ZNF521: variants seen among roughly 807,000 people sequenced by gnomAD.
ZNF521 encodes the protein LYST-interacting protein 3.
ZNF521 carries 14 observed loss-of-function variants against 105.5 expected under a neutral mutation model. That is an observed-to-expected ratio of 0.13 (90% CI 0.09 to 0.21). ZNF521 has a LOEUF of 0.21. Ranked by LOEUF, ZNF521 falls within the 10% of genes least tolerant of loss-of-function variation. The pLI, the probability that ZNF521 is intolerant of heterozygous loss-of-function variation, is 1.00. For synonymous variants in ZNF521, 635 were observed against 606.0 expected (o/e 1.05, Z -0.70); for missense variants, 1,233 against 1,629.7 (o/e 0.76, Z 4.19).
intron 3 of ZNF521, among the ~76,000 whole-genome samples, chr18:25,306,870 A>G (rs1912010523): frequency 6.9e-6 from 1 of 145,714 alleles, no homozygotes; most frequent in Non-Finnish European, 1.5e-5. Flanking sequence ...AAAAAAAAGT[A>G]TGTAAGTGGC....
intron 3 of ZNF521, among the ~76,000 whole-genome samples, chr18:25,291,931 C>G (rs1012110272): frequency 6.8e-6 from 1 of 146,548 alleles, no homozygotes; most frequent in African/African-American, 2.6e-5. Flanking sequence ...ATCATTGCAC[C>G]AAGAAAAAAA....
intron 5 of ZNF521, among the ~76,000 whole-genome samples, chr18:25,135,279 C>CGTGTGT (rs35980671): frequency 0.034 from 4,988 of 146,184 alleles, 156 homozygotes; most frequent in African/African-American, 0.086. Flanking sequence ...TATATGTATA[C>CGTGTGT]GTGTGTGTGT....
chr18:25,273,415 T>C (rs1909816027), intron 3 of ZNF521: 1 of 152,054 alleles, frequency 6.6e-6, no homozygotes, highest in South Asian at 2.1e-4. Flanking sequence ...CGATCATCAA[T>C]GTCAGTAGCA....
chr18:25,244,593 T>A (rs1907580845), intron 3 of ZNF521, among the ~76,000 whole-genome samples: 1 of 152,228 alleles, frequency 6.6e-6, no homozygotes, highest in African/African-American at 2.4e-5. Context: ...ATTTCCTTAA[T>A]GAAAACTCAG....
chr18:25,340,455 G>A (rs1315588912), intron 2 of ZNF521, among the ~76,000 whole-genome samples: 1 of 152,066 alleles, frequency 6.6e-6, no homozygotes, highest in Non-Finnish European at 1.5e-5. Context: ...GGGTGGTCTT[G>A]ATAAGAAATC....
At chr18:25,214,808 A>G (rs1340291693) in intron 4 of ZNF521, among the ~76,000 whole-genome samples, 1 of 152,190 alleles carries the variant, frequency 6.6e-6, no homozygotes, top group Non-Finnish European at 1.5e-5. Context: ...GAGATTTAAT[A>G]TAGTTTGGCC....
chr18:25,163,340 A>C (rs1056561207), intron 5 of ZNF521, among the ~76,000 whole-genome samples: 1 of 152,208 alleles, frequency 6.6e-6, no homozygotes, highest in Non-Finnish European at 1.5e-5. Flanking sequence ...TAATAAGCTG[A>C]TGGCAGTATT....
chr18:25,106,697 T>A (rs1164543209), intron 5 of ZNF521, among the ~76,000 whole-genome samples: 1 of 152,202 alleles, frequency 6.6e-6, no homozygotes, highest in Non-Finnish European at 1.5e-5. Context: ...TAATTTCTGA[T>A]GAATGCTCAG....
chr18:25,175,845 T>C (rs907666520), intron 5 of ZNF521, among the ~76,000 whole-genome samples: 1 of 152,204 alleles, frequency 6.6e-6, no homozygotes, highest in African/African-American at 2.4e-5. Flanking sequence ...TTAAAAATAA[T>C]AAATGGAAAG....
chr18:25,320,135 T>C (rs543963654), intron 3 of ZNF521, among the ~76,000 whole-genome samples: 34 of 152,276 alleles, frequency 2.2e-4, no homozygotes, highest in Non-Finnish European at 4.4e-4. Flanking sequence ...TAAATATGGA[T>C]TGTGAATTAG....
chr18:25,156,953 C>A (rs1268220402), intron 5 of ZNF521, among the ~76,000 whole-genome samples: 6 of 152,152 alleles, frequency 3.9e-5, no homozygotes, highest in East Asian at 1.9e-4. Context: ...AATCCCAGAA[C>A]TTTAAGAGGC....
intron 5 of ZNF521, among the ~76,000 whole-genome samples, chr18:25,153,341 G>A (rs956565454): frequency 6.6e-6 from 1 of 152,128 alleles, no homozygotes; most frequent in Admixed American, 6.5e-5. Context: ...TTCATCACAA[G>A]CAGGATTTAT....
chr18:25,144,864 C>T (rs1289641391), intron 5 of ZNF521, among the ~76,000 whole-genome samples: 1 of 152,186 alleles, frequency 6.6e-6, no homozygotes, highest in African/African-American at 2.4e-5. Flanking sequence ...ATTGTCCCTA[C>T]ATGCTGTCCA....
intron 2 of ZNF521, among the ~76,000 whole-genome samples, chr18:25,326,681 T>C (rs927945779): frequency 6.6e-6 from 1 of 152,182 alleles, no homozygotes; most frequent in Non-Finnish European, 1.5e-5. Flanking sequence ...AAATGAGGTT[T>C]TTCCTGGTTA....
At chr18:25,163,272 T>C (rs1433446729) in intron 5 of ZNF521, among the ~76,000 whole-genome samples, 2 of 152,222 alleles carry the variant, frequency 1.3e-5, no homozygotes, top group Admixed American at 6.5e-5. Flanking sequence ...AATGCAAGTA[T>C]GGCCTGAATC....
chr18:25,236,431 G>C (rs1399097792), intron 3 of ZNF521, among the ~76,000 whole-genome samples: 2 of 151,898 alleles, frequency 1.3e-5, no homozygotes, highest in African/African-American at 2.4e-5. Context: ...AGCTACTCAA[G>C]AGGCTGAGGC....
intron 3 of ZNF521, among the ~76,000 whole-genome samples, chr18:25,297,148 T>C (rs1911371999): frequency 6.6e-6 from 1 of 151,092 alleles, no homozygotes; most frequent in Non-Finnish European, 1.5e-5. Flanking sequence ...CACACATATA[T>C]ATATATACTG....
At chr18:25,139,757 G>A (rs74884910) in intron 5 of ZNF521, among the ~76,000 whole-genome samples, 1,734 of 152,290 alleles carry the variant, frequency 0.011, 33 homozygotes, top group African/African-American at 0.04. Flanking sequence ...AGGTCTTTGA[G>A]TGCAGTGGAC....
At chr18:25,095,382 C>A (rs2033830310) in intron 5 of ZNF521, among the ~76,000 whole-genome samples, 1 of 152,108 alleles carries the variant, frequency 6.6e-6, no homozygotes, top group Non-Finnish European at 1.5e-5. Flanking sequence ...TTGGATAATA[C>A]AGCCTGACTC....
Sources: allele counts gnomAD v4.1 joint callset (sites outside exome capture counted in the v4.1 genomes callset), GRCh38; gene constraint gnomAD v4.1.1; transcripts MANE v1.5; gene names NCBI Gene and HGNC (gene_info 2026-07-23, HGNC 2026-07-21).